Variants in CRPPA observed in about 807,000 individuals in gnomAD.
The protein encoded by CRPPA is CDP-L-ribitol pyrophosphorylase A.
In CRPPA, 43 loss-of-function variants were observed where a neutral mutation model predicts 52.0. That is an observed-to-expected ratio of 0.83 (90% CI 0.65 to 1.07). The LOEUF is 1.07. CRPPA is among the 50% of genes least tolerant of loss of function. CRPPA has a pLI of 0.00. For synonymous variants in CRPPA, 250 were observed against 203.5 expected (o/e 1.23, Z -1.94); for missense variants, 629 against 551.7 (o/e 1.14, Z -1.40).
At chr7:16,239,385 C>A (rs1308752836) in intron 8 of CRPPA, among the ~76,000 whole-genome samples, 1 of 151,114 alleles carries the variant, frequency 6.6e-6, no homozygotes, top group Non-Finnish European at 1.5e-5. Flanking sequence ...ATAACAAAGC[C>A]ATATTAAAAG....
intron 9 of CRPPA, among the ~76,000 whole-genome samples, chr7:16,174,794 A>G (rs761284345): frequency 3.3e-5 from 5 of 152,200 alleles, no homozygotes; most frequent in Non-Finnish European, 2.9e-5. Context: ...TATATCTTTC[A>G]GTTAATATAT....
At chr7:16,156,964 A>C (rs550319923) in intron 9 of CRPPA, among the ~76,000 whole-genome samples, 41 of 152,308 alleles carry the variant, frequency 2.7e-4, no homozygotes, top group South Asian at 1.0e-3. Flanking sequence ...TGCCTAACAC[A>C]GCAGAGCATG....
intron 9 of CRPPA, among the ~76,000 whole-genome samples, chr7:16,172,485 T>C (rs926589415): frequency 7.9e-5 from 12 of 152,174 alleles, no homozygotes; most frequent in Admixed American, 2.0e-4. Context: ...AATATGAGCC[T>C]TGAAGAGACA....
At chr7:16,289,312 T>C (rs1784513168) in intron 5 of CRPPA, among the ~76,000 whole-genome samples, 1 of 152,068 alleles carries the variant, frequency 6.6e-6, no homozygotes, top group African/African-American at 2.4e-5. Flanking sequence ...CTCAAACTAC[T>C]CCAGGAAATT....
intron 9 of CRPPA, among the ~76,000 whole-genome samples, chr7:16,140,546 T>A (rs978358767): frequency 6.6e-6 from 1 of 152,200 alleles, no homozygotes; most frequent in African/African-American, 2.4e-5. Flanking sequence ...GGATATAACA[T>A]AAAAAGTTGA....
At chr7:16,350,639 G>C (rs913126029) in intron 3 of CRPPA, among the ~76,000 whole-genome samples, 17 of 152,034 alleles carry the variant, frequency 1.1e-4, no homozygotes, top group Admixed American at 5.9e-4. Flanking sequence ...GTGATCCAAA[G>C]CATACTACTA....
chr7:16,399,366 G>C (rs1455518197), intron 2 of CRPPA, among the ~76,000 whole-genome samples: 1 of 151,806 alleles, frequency 6.6e-6, no homozygotes, highest in Admixed American at 6.6e-5. Context: ...TGATTGACGT[G>C]ACACATTTGT....
intron 2 of CRPPA, among the ~76,000 whole-genome samples, chr7:16,377,584 AAAATTGTCCT>A (rs1365798090): frequency 1.3e-5 from 2 of 152,234 alleles, no homozygotes. Flanking sequence ...AAAGCCTCTG[AAAATTGTCCT>A]AAGGACATTC....
At chr7:16,212,616 A>T (rs1004736151) in intron 9 of CRPPA, among the ~76,000 whole-genome samples, 4 of 152,274 alleles carry the variant, frequency 2.6e-5, no homozygotes, top group Non-Finnish European at 5.9e-5. Flanking sequence ...GGAAAGAAAA[A>T]CCAGGCTCAG....
chr7:16,365,021 C>T (rs969344785), intron 3 of CRPPA, among the ~76,000 whole-genome samples: 5 of 152,176 alleles, frequency 3.3e-5, no homozygotes, highest in Admixed American at 2.0e-4. Flanking sequence ...TGTTCCCTGC[C>T]TCAGATTCCC....
chr7:16,195,611 C>T (rs1020610544), intron 9 of CRPPA, among the ~76,000 whole-genome samples: 2 of 152,128 alleles, frequency 1.3e-5, no homozygotes, highest in African/African-American at 4.8e-5. Flanking sequence ...ACTAATCAAG[C>T]AACTTTAATA....
At chr7:16,407,620 A>C (rs1159543598) in intron 1 of CRPPA, among the ~76,000 whole-genome samples, 1 of 152,228 alleles carries the variant, frequency 6.6e-6, no homozygotes, top group East Asian at 1.9e-4. Flanking sequence ...AAATGAAGTT[A>C]ACATTGGGTT....
chr7:16,348,893 C>T (rs1786080698), intron 3 of CRPPA, among the ~76,000 whole-genome samples: 1 of 152,194 alleles, frequency 6.6e-6, no homozygotes, highest in East Asian at 1.9e-4. Flanking sequence ...GGGACTGTCT[C>T]CTTAACAACC....
chr7:16,399,017 CAT>C (rs1341390252), intron 2 of CRPPA, among the ~76,000 whole-genome samples: 3 of 152,222 alleles, frequency 2.0e-5, no homozygotes, highest in Non-Finnish European at 2.9e-5. Flanking sequence ...ACACAATTGA[CAT>C]GTGACCAACA....
intron 3 of CRPPA, among the ~76,000 whole-genome samples, chr7:16,345,865 C>G (rs1476640030): frequency 1.3e-5 from 2 of 152,120 alleles, no homozygotes; most frequent in Non-Finnish European, 2.9e-5. Flanking sequence ...GTTTTATCCT[C>G]CAGAGTCCAA....
Position 16,179,890 on chromosome 7 carries a change from G to T in CRPPA, c.1251+36176C>A, listed in dbSNP as rs532033380. Among the ~76,000 whole-genome samples, 4 of 152,198 alleles carry T rather than the reference G, an allele frequency of 2.6e-5. No homozygotes were observed. The East Asian group carries it at 7.7e-4, about 29-fold the overall frequency. ...CAGATGATTTTCCAAAGAATGACCAGCAATAGCAGGAGCATCCATTATATT... is the reference window on the plus strand; with the variant it reads ...CAGATGATTTTCCAAAGAATGACCATCAATAGCAGGAGCATCCATTATATT... On this transcript the variant is annotated intron_variant, in intron 9 of 9. Transcript: ENST00000407010.
intron 9 of CRPPA, chr7:16,209,026 A>G: frequency 2.2e-6 from 1 of 445,262 alleles, no homozygotes; most frequent in South Asian, 1.7e-5. Flanking sequence ...ACAGGGCAAG[A>G]AGGGCAAGGA....
intron 6 of CRPPA, among the ~76,000 whole-genome samples, chr7:16,273,384 C>T (rs1784132402): frequency 6.6e-6 from 1 of 152,054 alleles, no homozygotes; most frequent in Admixed American, 6.5e-5. Flanking sequence ...AGTGGAACAG[C>T]AGGGGCCAGA....
intron 8 of CRPPA, among the ~76,000 whole-genome samples, chr7:16,246,575 A>T (rs1783281693): frequency 6.6e-6 from 1 of 152,252 alleles, no homozygotes. Context: ...AAAATAAGAC[A>T]TGAAAATCTA....
Sources: gnomAD v4.1 joint callset for allele counts (sites outside exome capture counted in the v4.1 genomes callset) on GRCh38, gnomAD v4.1.1 for gene constraint, MANE v1.5 for transcripts, NCBI Gene and HGNC (gene_info 2026-07-23, HGNC 2026-07-21) for gene names.